Variants in TECTA observed in about 807,000 individuals in gnomAD.
TECTA encodes the protein alpha-tectorin.
In TECTA, 128 loss-of-function variants were observed where a neutral mutation model predicts 216.8. The observed-to-expected ratio is 0.59, with a 90% confidence interval of 0.51 to 0.68. The LOEUF is 0.68. Ranked by LOEUF, TECTA falls within the 30% of genes least tolerant of loss-of-function variation. TECTA has a pLI of 0.00. For synonymous variants in TECTA, 1,089 were observed against 1,117.1 expected, an observed-to-expected ratio of 0.97 and a Z score of 0.50; for missense variants, 2,551 against 2,786.2, an observed-to-expected ratio of 0.92 and a Z score of 1.90.
At chr11:121,179,491 G>A (rs1947203770) in intron 20 of TECTA, among the ~76,000 whole-genome samples, 1 of 152,088 alleles carries the variant, frequency 6.6e-6, no homozygotes, top group Non-Finnish European at 1.5e-5. Flanking sequence ...GTACTAATGA[G>A]AAAAATGTGT....
chr11:121,162,206 C>T lies in TECTA; in HGVS notation c.5108C>T (p.Pro1703Leu), dbSNP rs201114773. Residue 1703 changes from proline to leucine, a missense_variant, in exon 16 of 24, where the codon CCC becomes CTC. Around this residue, in one of 3 missense-constraint regions of TECTA, gnomAD observed 2,375 missense variants for 2,563.9 expected, o/e 0.93. Transcript: ENST00000392793. ...ACCGACATGAAGGGCTTCTTCCAGC[C>T]CTGCTATGGGCTTCTCGATCCCCTC... ...KLTDMKGFFQ[P>L]CYGLLDPLPF... The T allele has an allele frequency of 2.0e-5, 32 of 1,614,038 alleles. No homozygotes were observed. Among genetic ancestry groups the T allele is most frequent in the Non-Finnish European group, 2.7e-5 (32 of 1,180,044 alleles).
At position 121,129,656 on chromosome 11, in the gene TECTA, G is replaced by A. The variant is rs1307824899; in HGVS notation, c.2386G>A (p.Glu796Lys). Residue 796 changes from glutamate to lysine, a missense_variant, in exon 10 of 24, where the codon GAA becomes AAA. Physicochemically the swap from Glu to Lys is moderately conservative, Grantham distance 56. This residue lies in a region of TECTA where 2,375 missense variants were observed against 2,563.9 expected (regional missense o/e 0.93). Coordinates refer to ENST00000392793, the MANE Select transcript of TECTA (RefSeq NM_005422.4). ...SEVKLNGQEV[E>K]LPFFHPSGKL... ...TTTTCAGTTGAATGGTCAGGAAGTG[G>A]AATTGCCTTTTTTCCATCCTTCGGG... The A allele has an allele frequency of 6.2e-7, 1 of 1,614,186 alleles. No individual in the cohort carries two copies. Among genetic ancestry groups the A allele is most frequent in the East Asian group, 2.2e-5 (1 of 44,886 alleles).
chr11:121,187,777 TA>T (rs1947301540), intron 20 of TECTA, 54 bp from the exon 21 acceptor site: 1 of 1,601,338 alleles, frequency 6.2e-7, no homozygotes, highest in Non-Finnish European at 8.6e-7. Context: ...AGGTGAGGAT[TA>T]AGGTGTAAGA....
At chr11:121,111,114 G>A (rs758829880) in intron 4 of TECTA, among the ~76,000 whole-genome samples, 2 of 152,182 alleles carry the variant, frequency 1.3e-5, no homozygotes, top group Non-Finnish European at 2.9e-5. Flanking sequence ...GAAGGAAAAG[G>A]GACATGTTTA....
chr11:121,135,272 G>A (rs942581694), intron 10 of TECTA, among the ~76,000 whole-genome samples: 11 of 152,198 alleles, frequency 7.2e-5, no homozygotes, highest in African/African-American at 2.4e-4. Context: ...CCCTCCTGTT[G>A]GCAGAGCCAG....
intron 13 of TECTA, 123 bp from the exon 14 acceptor site, chr11:121,157,718 A>T: frequency 7.0e-7 from 1 of 1,430,388 alleles, no homozygotes; most frequent in South Asian, 1.2e-5. Flanking sequence ...GCTGCCTCCT[A>T]CAAATTCCAG....
chr11:121,191,321 T>A lies in TECTA; in HGVS notation c.*515T>A, dbSNP rs1947338332. ...CTATGAGGCGCTTCTCCACCCACTG[T>A]GTCCTTCAACCTTGCCATGGCAGCT... On this transcript the variant is annotated 3_prime_UTR_variant, in exon 24 of 24. Coordinates refer to ENST00000392793, the MANE Select transcript of TECTA (RefSeq NM_005422.4). 1 of 178,042 alleles carries A rather than the reference T, an allele frequency of 5.6e-6. No individual in the cohort carries two copies. The highest frequency in any genetic ancestry group is 1.2e-5 in the Non-Finnish European group (1 of 82,952). 11.0% of individuals were successfully genotyped at this position (178,042 alleles called of 1,614,324 possible). A position where few individuals can be genotyped will look rare whatever the true frequency, so the allele number is the denominator to read the frequency against.
chr11:121,124,366 C>G (rs1591442291), intron 7 of TECTA, among the ~76,000 whole-genome samples: 1 of 152,144 alleles, frequency 6.6e-6, no homozygotes, highest in East Asian at 1.9e-4. Flanking sequence ...TCAGTGTCTG[C>G]CCCCCAACCC....
chr11:121,190,148 C>A (rs1947327649), intron 23 of TECTA: 2 of 449,652 alleles, frequency 4.4e-6, no homozygotes, highest in Non-Finnish European at 4.1e-6. Context: ...ATTTTAAGGA[C>A]CATATATTGG....
intron 20 of TECTA, among the ~76,000 whole-genome samples, chr11:121,173,221 T>C (rs943591307): frequency 5.3e-5 from 8 of 151,022 alleles, no homozygotes; most frequent in Admixed American, 1.3e-4. Flanking sequence ...ATTTTGGTTT[T>C]TGTTGCCATT....
At position 121,146,130 on chromosome 11, in the gene TECTA, G is replaced by A. The variant is rs755157873; in HGVS notation, c.4105+14G>A. 70 of 1,603,086 alleles carry A rather than the reference G, an allele frequency of 4.4e-5. No individual in the cohort carries two copies. The highest frequency in any genetic ancestry group is 3.1e-4 in the East Asian group (14 of 44,886). ...ACACGTCCTGCAGTGAGTCCTTCTC[G>A]TTGTCCCTCCTTGTAGCTTCTCCTC... On this transcript the variant is annotated intron_variant, in intron 12 of 23. Coordinates refer to ENST00000392793, the MANE Select transcript of TECTA (RefSeq NM_005422.4).
rs944766516 is a variant in TECTA, at chr11:121,130,083, C to A, written c.2813C>A (p.Thr938Asn). Residue 938 changes from threonine to asparagine, a missense_variant, in exon 10 of 24, where the codon ACC (threonine) becomes AAC (asparagine). This residue lies in a region of TECTA where 2,375 missense variants were observed against 2,563.9 expected (regional missense o/e 0.93). Coordinates refer to ENST00000392793, the MANE Select transcript of TECTA (RefSeq NM_005422.4). ...GTGAACGTCACTGCCTATTACCGCA[C>A]CTGCCTTTTCCGCCTGTGCCAGAGT... ...GVVNVTAYYR[T>N]CLFRLCQSGG... 2 of 1,613,976 alleles carry A rather than the reference C, an allele frequency of 1.2e-6. No individual in the cohort carries two copies. Among genetic ancestry groups the A allele is most frequent in the Non-Finnish European group, 1.7e-6 (2 of 1,180,030 alleles).
At chr11:121,151,789 G>A (rs925008276) in intron 12 of TECTA, among the ~76,000 whole-genome samples, 9 of 152,136 alleles carry the variant, frequency 5.9e-5, no homozygotes, top group Admixed American at 2.0e-4. Flanking sequence ...AGGTGTTACC[G>A]CTATATAATT....
intron 15 of TECTA, 47 bp from the exon 16 acceptor site, chr11:121,162,028 C>T: frequency 1.9e-6 from 3 of 1,611,550 alleles, no homozygotes; most frequent in African/African-American, 1.3e-5. Context: ...ATTTACCTTC[C>T]ATTGGAGATC....
rs1947337844 is a variant in TECTA at position 121,191,283 on chromosome 11, G to C, written c.*477G>C. 1 of 226,050 alleles carries C rather than the reference G, an allele frequency of 4.4e-6. No individual in the cohort carries two copies. The highest frequency in any genetic ancestry group is 2.3e-5 in the African/African-American group (1 of 43,546). 14.0% of individuals were successfully genotyped at this position (226,050 alleles called of 1,614,324 possible). On this transcript the variant is annotated 3_prime_UTR_variant, in exon 24 of 24. Transcript: ENST00000392793. ...TTTGGAAGTGTCCGATCTACGTTATGCACGTGTTCTGTCTATGAGGCGCTT... is the reference window on the plus strand; with the variant it reads ...TTTGGAAGTGTCCGATCTACGTTATCCACGTGTTCTGTCTATGAGGCGCTT...
chr11:121,152,781 C>A, intron 12 of TECTA, 100 bp from the exon 13 acceptor site: 3 of 1,277,634 alleles, frequency 2.3e-6, no homozygotes, highest in Non-Finnish European at 3.3e-6. Flanking sequence ...TGCCTCTCCC[C>A]GTGCCTTTCA....
At chr11:121,159,718 T>G (rs1456968300) in intron 14 of TECTA, among the ~76,000 whole-genome samples, 2 of 152,370 alleles carry the variant, frequency 1.3e-5, no homozygotes, top group East Asian at 1.9e-4. Flanking sequence ...GATTTCATTT[T>G]CAGTCATTGG....
At chr11:121,150,017 CA>C (rs1302702186) in intron 12 of TECTA, among the ~76,000 whole-genome samples, 3 of 152,146 alleles carry the variant, frequency 2.0e-5, no homozygotes, top group South Asian at 2.1e-4. Flanking sequence ...ACTTAAAGAA[CA>C]AACATCTCTA....
rs1284224646 is a variant in TECTA, at chr11:121,102,782, T to C, written c.64+53T>C. The C allele has an allele frequency of 6.7e-6, 10 of 1,495,778 alleles. No homozygotes were observed. The East Asian group carries it at 2.3e-4, about 34-fold the overall frequency. 92.7% of individuals were successfully genotyped at this position (1,495,778 alleles called of 1,614,324 possible). A position where few individuals can be genotyped will look rare whatever the true frequency, so the allele number is the denominator to read the frequency against. ...CTCAGTTAGCATGCTCTTGAATTGA[T>C]AAAGAGACACTTTTATTGGAACCAC... On this transcript the variant is annotated intron_variant, in intron 2 of 23. Transcript: ENST00000392793.
Sources: allele counts gnomAD v4.1 joint callset (sites outside exome capture counted in the v4.1 genomes callset), GRCh38; gene constraint gnomAD v4.1.1; regional missense constraint gnomAD v4.1.1; transcripts MANE v1.5; gene names NCBI Gene and HGNC (gene_info 2026-07-23, HGNC 2026-07-21).